The following RAB3IL1 variants were observed in gnomAD, a reference collection of about 807,000 sequenced individuals.
The protein encoded by RAB3IL1 is RAB3A interacting protein like 1, also known as guanine nucleotide exchange factor for Rab-3A.
Under a neutral mutation model 49.2 loss-of-function variants are expected in RAB3IL1, and 37 were observed. That is an observed-to-expected ratio of 0.75 (90% CI 0.58 to 0.99). RAB3IL1 has a LOEUF of 0.99. Among genes scored for constraint, RAB3IL1 ranks in the 50% least tolerant of loss-of-function variants. The pLI is 0.00. For synonymous variants in RAB3IL1, 193 were observed against 213.9 expected (o/e 0.90, Z 0.85); for missense variants, 484 against 513.0 (o/e 0.94, Z 0.55).
In RAB3IL1 at chr11:61,908,320, AG is replaced by A; in HGVS notation, c.12-15del. On this transcript the variant is annotated splice_polypyrimidine_tract_variant and intron_variant, in intron 1 of 9. Coordinates refer to ENST00000394836, the MANE Select transcript of RAB3IL1 (RefSeq NM_013401.4). ...GGCTGGGGTGGGCTGGAGACAAACA[AG>A]GGTATCAGCAGGTTCAGGGTGGGGT... The A allele has an allele frequency of 6.8e-7, 1 of 1,462,160 alleles. No individual in the cohort carries two copies. The highest frequency in any genetic ancestry group is 9.0e-7 in the Non-Finnish European group (1 of 1,111,486). The allele number at this position is 1,462,160 out of a possible 1,614,324, so 90.6% of individuals were successfully genotyped here. A position where few individuals can be genotyped will look rare whatever the true frequency, so the allele number is the denominator to read the frequency against.
At chr11:61,899,677 C>T (rs960759634) in intron 8 of RAB3IL1, 6 of 377,626 alleles carry the variant, frequency 1.6e-5, no homozygotes, top group Non-Finnish European at 3.0e-5. Flanking sequence ...AAGCCGCTGA[C>T]ATCCATCACG....
At chr11:61,903,273 C>T (rs12420820) in intron 7 of RAB3IL1, among the ~76,000 whole-genome samples, 8,310 of 152,178 alleles carry the variant, frequency 0.055, 281 homozygotes, top group African/African-American at 0.082. Context: ...CCCTTGGCTC[C>T]TTCTGGCCAG....
chr11:61,935,100 G>C, the RAB3IL1 span, among the ~76,000 whole-genome samples: 1 of 152,118 alleles, frequency 6.6e-6, no homozygotes, highest in Non-Finnish European at 1.5e-5. Flanking sequence ...AGAAACAAGA[G>C]AGCATAGTTT....
intron 4 of RAB3IL1, 41 bp downstream of exon 4, chr11:61,907,352 G>T (rs1939243137): frequency 1.2e-6 from 2 of 1,600,920 alleles, no homozygotes; most frequent in Non-Finnish European, 8.5e-7. Context: ...GAGGCAGGGG[G>T]GGTGCCTGGG....
At chr11:61,936,035 G>C in the RAB3IL1 span, among the ~76,000 whole-genome samples, 2 of 151,694 alleles carry the variant, frequency 1.3e-5, no homozygotes, top group African/African-American at 4.8e-5. Flanking sequence ...AAATTCGCTA[G>C]AGGAGGTCAA....
chr11:61,944,250 C>CCTTCCTTCCTTT, the RAB3IL1 span, among the ~76,000 whole-genome samples: 9 of 150,226 alleles, frequency 6.0e-5, no homozygotes, highest in South Asian at 2.1e-4. Context: ...TTCCTTCCTT[C>CCTTCCTTCCTTT]CTTCCTTCCT....
chr11:61,899,924 C>T (rs539522188), intron 8 of RAB3IL1, among the ~76,000 whole-genome samples: 1 of 152,354 alleles, frequency 6.6e-6, no homozygotes, highest in East Asian at 1.9e-4. Context: ...ATGCCAGGCC[C>T]CGGGGACCCT....
intron 8 of RAB3IL1, 62 bp from the exon 9 acceptor site, chr11:61,899,442 C>A: frequency 2.0e-6 from 3 of 1,520,640 alleles, no homozygotes; most frequent in Non-Finnish European, 2.7e-6. Context: ...CCCTGACAGG[C>A]GGATCTGAGT....
chr11:61,934,909 A>C, the RAB3IL1 span, among the ~76,000 whole-genome samples: 1 of 152,306 alleles, frequency 6.6e-6, no homozygotes, highest in Non-Finnish European at 1.5e-5. Flanking sequence ...CAGACTTTAC[A>C]AAATTAGTTC....
At chr11:61,900,477 C>T (rs1444662093) in intron 8 of RAB3IL1, among the ~76,000 whole-genome samples, 1 of 152,104 alleles carries the variant, frequency 6.6e-6, no homozygotes, top group East Asian at 1.9e-4. Context: ...TAGGGAGGTG[C>T]GAGAGAGCGG....
chr11:61,904,500 G>T, intron 7 of RAB3IL1, 46 bp downstream of exon 7: 1 of 1,531,976 alleles, frequency 6.5e-7, no homozygotes, highest in South Asian at 1.2e-5. Flanking sequence ...ACGGCTTGGC[G>T]GGGCTTTCCC....
intron 8 of RAB3IL1, among the ~76,000 whole-genome samples, chr11:61,900,178 C>T (rs1292944706): frequency 6.6e-6 from 1 of 152,204 alleles, no homozygotes; most frequent in Admixed American, 6.5e-5. Context: ...GCTAAGAGCC[C>T]GGTGGATGGG....
At chr11:61,934,460 A>ATATG in the RAB3IL1 span, among the ~76,000 whole-genome samples, 4 of 23,486 alleles carry the variant, frequency 1.7e-4, no homozygotes, top group African/African-American at 4.3e-4. Context: ...GTATATATAT[A>ATATG]TATATATATA....
chr11:61,935,111 A>C, the RAB3IL1 span, among the ~76,000 whole-genome samples: 1,387 of 152,276 alleles, frequency 9.1e-3, 23 homozygotes, highest in African/African-American at 0.031. Flanking sequence ...AGCATAGTTT[A>C]TGTGTGGGGA....
At chr11:61,918,194 G>A (rs1349922128), upstream of RAB3IL1, among the ~76,000 whole-genome samples, 3 of 149,668 alleles carry the variant, frequency 2.0e-5, no homozygotes, top group Non-Finnish European at 3.0e-5. Context: ...CACATCCTCC[G>A]TGAAACCTTC....
Position 61,904,801 on chromosome 11 carries a change from C to A in RAB3IL1, c.739G>T (p.Val247Leu). Residue 247 changes from valine to leucine, a missense_variant, in exon 6 of 10, where the codon GTG (valine) becomes TTG (leucine). Coordinates refer to ENST00000394836, the MANE Select transcript of RAB3IL1 (RefSeq NM_013401.4). ...LDKTCPFLER[V>L]YREDVGPCLD... The stretch of plus-strand genomic sequence containing the variant: ...CAGGGGCCCACGTCCTCTCGGTACA[C>A]CCTTTCCAGGAAGGGGCAGGTCTTG... 1.2e-6 allele frequency: 2 copies of A among 1,611,646 alleles called. No homozygotes were observed. The highest frequency in any genetic ancestry group is 1.7e-6 in the Non-Finnish European group (2 of 1,179,298).
chr11:61,917,359 G>C lies in RAB3IL1; in HGVS notation c.9C>G (p.Ser3Arg), dbSNP rs1371835497. 48 of 1,270,776 alleles carry C rather than the reference G, an allele frequency of 3.8e-5. No individual in the cohort carries two copies. Among genetic ancestry groups the C allele is most frequent in the Non-Finnish European group, 4.3e-5 (43 of 1,010,102 alleles). 78.7% of individuals were successfully genotyped at this position (1,270,776 alleles called of 1,614,324 possible). ...ACCGCGAGCGCGCGCGGACCTACCC[G>C]CTCCACATCCCGGCGCCTCGGGGCG... The part of the protein sequence containing the change: MW[S>R]GPPQPDQGLP... The change falls in exon 1 of 10, where the codon AGC becomes AGG. Residue 3 changes from serine to arginine, a missense_variant and splice_region_variant. Ser to Arg is a moderately radical substitution (Grantham distance 110). Transcript: ENST00000394836.
rs1306819239 is a variant in RAB3IL1, at chr11:61,906,431, C to A, written c.657+35G>T. ...CCTGCCTACCGCAGGCACTGCCACCCTTCCCCGTGCCCAGAGCCCGCTTCC... is the reference window on the plus strand; with the variant it reads ...CCTGCCTACCGCAGGCACTGCCACCATTCCCCGTGCCCAGAGCCCGCTTCC... On this transcript the variant is annotated intron_variant, in intron 5 of 9. Coordinates refer to ENST00000394836, the MANE Select transcript of RAB3IL1 (RefSeq NM_013401.4). The surrounding 1 kb of genome is among the most constrained non-coding windows in gnomAD (Gnocchi z 4.6). 6.6e-7 allele frequency: 1 copy of A among 1,524,704 alleles called. No homozygotes were observed. The highest frequency in any genetic ancestry group is 8.8e-7 in the Non-Finnish European group (1 of 1,135,044). The allele number at this position is 1,524,704 out of a possible 1,614,324, so 94.4% of individuals were successfully genotyped here.
chr11:61,933,382 T>G, the RAB3IL1 span, among the ~76,000 whole-genome samples: 3 of 147,920 alleles, frequency 2.0e-5, no homozygotes, highest in Non-Finnish European at 4.5e-5. Flanking sequence ...CAAGGAGTGC[T>G]GGCAGCCACC....
Sources: gnomAD v4.1 joint callset for allele counts (sites outside exome capture counted in the v4.1 genomes callset) on GRCh38, gnomAD v4.1.1 for gene constraint, Gnocchi (gnomAD v3.1) non-coding constraint, MANE v1.5 for transcripts, NCBI Gene and HGNC (gene_info 2026-07-23, HGNC 2026-07-21) for gene names.